The following RCOR1 variants were observed in gnomAD, a reference collection of about 807,000 sequenced individuals.
RCOR1 encodes the protein REST corepressor 1, also known as REST corepressor.
A neutral mutation model predicts 64.0 loss-of-function variants in RCOR1; 12 were observed. That is an observed-to-expected ratio of 0.19 (90% CI 0.12 to 0.30). The LOEUF (loss-of-function observed/expected upper bound fraction) is 0.30, where lower values mean the gene tolerates loss of function less well. Ranked by LOEUF, RCOR1 falls within the 10% of genes least tolerant of loss-of-function variation. The pLI is 1.00. For synonymous variants in RCOR1, 279 were observed against 227.2 expected (o/e 1.23, Z -2.05); for missense variants, 502 against 621.2 (o/e 0.81, Z 2.04).
intron 2 of RCOR1, among the ~76,000 whole-genome samples, chr14:102,676,339 G>A (rs1895152879): frequency 7.0e-6 from 1 of 142,382 alleles, no homozygotes; most frequent in South Asian, 2.2e-4. Flanking sequence ...CGGGCGGGGG[G>A]CTGACCCCCC....
chr14:102,615,537 C>A (rs1893742532), intron 2 of RCOR1, among the ~76,000 whole-genome samples: 1 of 151,384 alleles, frequency 6.6e-6, no homozygotes, highest in African/African-American at 2.4e-5. Flanking sequence ...CAACCTCCAC[C>A]TCCTGGATTC....
At chr14:102,700,167 G>A (rs1159792893) in intron 3 of RCOR1, among the ~76,000 whole-genome samples, 1 of 152,284 alleles carries the variant, frequency 6.6e-6, no homozygotes, top group African/African-American at 2.4e-5. Flanking sequence ...GTTGTTTAAA[G>A]TAGTACTTGT....
chr14:102,715,823 C>T (rs1459984481), intron 8 of RCOR1, among the ~76,000 whole-genome samples: 1 of 152,198 alleles, frequency 6.6e-6, no homozygotes, highest in Non-Finnish European at 1.5e-5. Context: ...GTGGTCCTGT[C>T]ATTTTATGTG....
chr14:102,600,573 T>G (rs1314619034), intron 2 of RCOR1, among the ~76,000 whole-genome samples: 1 of 149,582 alleles, frequency 6.7e-6, no homozygotes, highest in East Asian at 2.0e-4. Flanking sequence ...AGCTAATTTT[T>G]TTTTTTTTTT....
chr14:102,689,495 T>G (rs1895490229), intron 3 of RCOR1, among the ~76,000 whole-genome samples: 1 of 152,226 alleles, frequency 6.6e-6, no homozygotes, highest in Non-Finnish European at 1.5e-5. Context: ...TGGGCTGCTG[T>G]TGCCTTGGGT....
chr14:102,682,649 CT>C (rs1286386449), intron 3 of RCOR1, among the ~76,000 whole-genome samples: 5 of 152,150 alleles, frequency 3.3e-5, no homozygotes, highest in African/African-American at 1.2e-4. Flanking sequence ...TTTTCATCTC[CT>C]GTTGTCCTTC....
chr14:102,657,526 A>G (rs1894750776), intron 2 of RCOR1: 1 of 983,538 alleles, frequency 1.0e-6, no homozygotes, highest in African/African-American at 1.7e-5. Context: ...ATCATTTTAC[A>G]TGTTTACTCT....
At chr14:102,690,650 AC>A (rs1352122571) in intron 3 of RCOR1, among the ~76,000 whole-genome samples, 1 of 152,068 alleles carries the variant, frequency 6.6e-6, no homozygotes, top group Non-Finnish European at 1.5e-5. Context: ...CACATGGCTC[AC>A]CCCCCAGTTC....
At chr14:102,635,944 C>G (rs1894226070) in intron 2 of RCOR1, among the ~76,000 whole-genome samples, 1 of 151,508 alleles carries the variant, frequency 6.6e-6, no homozygotes, top group South Asian at 2.1e-4. Flanking sequence ...AAGTTTCTCC[C>G]TCCCTCCCTC....
intron 2 of RCOR1, among the ~76,000 whole-genome samples, chr14:102,637,381 G>A (rs1163190173): frequency 1.3e-5 from 2 of 151,848 alleles, no homozygotes; most frequent in Non-Finnish European, 2.9e-5. Flanking sequence ...ACCTGCCTTG[G>A]CCTCCCAAAG....
chr14:102,609,877 C>A (rs1893589663), intron 2 of RCOR1, among the ~76,000 whole-genome samples: 1 of 151,922 alleles, frequency 6.6e-6, no homozygotes, highest in African/African-American at 2.4e-5. Flanking sequence ...CAGTGGCTCA[C>A]CCCTGTAATC....
intron 2 of RCOR1, chr14:102,650,861 A>G (rs190253821): frequency 3.1e-6 from 1 of 327,376 alleles, no homozygotes; most frequent in African/African-American, 2.3e-5. Flanking sequence ...TTTTAAACTT[A>G]CGGGACTTGA....
intron 2 of RCOR1, among the ~76,000 whole-genome samples, chr14:102,636,024 C>A (rs1015005388): frequency 1.3e-5 from 2 of 152,082 alleles, no homozygotes; most frequent in Admixed American, 6.6e-5. Flanking sequence ...CCTCCGCCTC[C>A]CAGGTTCACG....
Position 102,722,231 on chromosome 14 carries a change from A to G in RCOR1, c.1234A>G (p.Ile412Val). The G allele has an allele frequency of 6.2e-7, 1 of 1,614,202 alleles. No homozygotes were observed. The highest frequency in any genetic ancestry group is 8.5e-7 in the Non-Finnish European group (1 of 1,180,020). Residue 412 changes from isoleucine (I) to valine (V), a missense_variant, in exon 11 of 12, where the codon ATT becomes GTT. Ile to Val is a conservative substitution (Grantham distance 29, BLOSUM62 3). Around this residue, in one of 2 missense-constraint regions of RCOR1, gnomAD observed 260 missense variants for 416.4 expected, o/e 0.62. Transcript: ENST00000262241. ...AGATTTTCAGGCAATCTCAGACGTG[A>G]TTGGGAACAAATCAGTGGTACAAGT... ...GRDFQAISDV[I>V]GNKSVVQVKN...
At chr14:102,655,459 T>G (rs1894703569) in intron 2 of RCOR1, 1 of 982,356 alleles carries the variant, frequency 1.0e-6, no homozygotes, top group African/African-American at 1.7e-5. Context: ...TTGTTTTTGC[T>G]TTATCACAGT....
At chr14:102,617,770 A>G (rs1249841877) in intron 2 of RCOR1, among the ~76,000 whole-genome samples, 4 of 151,472 alleles carry the variant, frequency 2.6e-5, no homozygotes, top group African/African-American at 9.7e-5. Flanking sequence ...TTGTATTTTT[A>G]GTAGAGACGG....
intron 3 of RCOR1, among the ~76,000 whole-genome samples, chr14:102,692,178 G>C (rs1023648508): frequency 6.6e-6 from 1 of 152,168 alleles, no homozygotes; most frequent in Non-Finnish European, 1.5e-5. Context: ...ATTTTAAAAA[G>C]AGGTGTATAT....
At chr14:102,630,629 C>T (rs1894092252) in intron 2 of RCOR1, among the ~76,000 whole-genome samples, 1 of 152,142 alleles carries the variant, frequency 6.6e-6, no homozygotes, top group African/African-American at 2.4e-5. Context: ...CTGTTAGTTT[C>T]CTGGATCTGA....
chr14:102,674,592 C>T (rs1895100704), intron 2 of RCOR1, among the ~76,000 whole-genome samples: 1 of 152,122 alleles, frequency 6.6e-6, no homozygotes, highest in Non-Finnish European at 1.5e-5. Context: ...GGTATCCACA[C>T]GTCCACTTTA....
Sources: allele counts gnomAD v4.1 joint callset (sites outside exome capture counted in the v4.1 genomes callset), GRCh38; gene constraint gnomAD v4.1.1; regional missense constraint gnomAD v4.1.1; transcripts MANE v1.5; gene names NCBI Gene and HGNC (gene_info 2026-07-23, HGNC 2026-07-21).